The following MIEF1 variants were observed in gnomAD, a reference collection of about 807,000 sequenced individuals.
MIEF1 encodes mitochondrial dynamics protein MIEF1.
In MIEF1, 14 loss-of-function variants were observed where a neutral mutation model predicts 35.1. The observed-to-expected ratio is 0.40, with a 90% CI of 0.26 to 0.62. The LOEUF (loss-of-function observed/expected upper bound fraction) is 0.62, where lower values mean the gene tolerates loss of function less well. MIEF1 is among the 20% of genes least tolerant of loss of function. The pLI, the probability that MIEF1 is intolerant of heterozygous loss-of-function variation, is 0.43. For synonymous variants in MIEF1, 245 were observed against 254.3 expected, an observed-to-expected ratio of 0.96 and a Z score of 0.35; for missense variants, 542 against 615.4, an observed-to-expected ratio of 0.88 and a Z score of 1.26.
chr22:39,515,796 C>T lies in MIEF1; in HGVS notation c.*1473C>T, dbSNP rs74500552. On this transcript the variant is annotated 3_prime_UTR_variant, in exon 6 of 6. Transcript: ENST00000325301. ...CCCATTCAGTATTTTGTTTTCCTTC[C>T]GTCAAGTTGTCTTATTTTTTCAATG... 6.1e-5 allele frequency: 10 copies of T among 163,560 alleles called. No homozygotes were observed. In the East Asian group the frequency reaches 1.3e-3, roughly 21 times the overall value. 10.1% of individuals were successfully genotyped at this position (163,560 alleles called of 1,614,324 possible). A position where few individuals can be genotyped will look rare whatever the true frequency, so the allele number is the denominator to read the frequency against.
chr22:39,512,809 G>T (rs1930428816), intron 5 of MIEF1, among the ~76,000 whole-genome samples: 1 of 152,044 alleles, frequency 6.6e-6, no homozygotes, highest in Non-Finnish European at 1.5e-5. Flanking sequence ...ACCACTCCTG[G>T]CTAATTTTTT....
chr22:39,513,902 T>C lies in MIEF1; in HGVS notation c.971T>C (p.Val324Ala), dbSNP rs150255211. 17 of 1,614,084 alleles carry C rather than the reference T, an allele frequency of 1.1e-5. No individual in the cohort carries two copies. The highest frequency in any genetic ancestry group is 1.7e-5 in the Admixed American group (1 of 60,024). The change falls in exon 6 of 6, where the codon GTG (valine) becomes GCG (alanine). Residue 324 changes from valine to alanine, a missense_variant. By Grantham distance (64) the Val-to-Ala change is moderately conservative. Transcript: ENST00000325301. ...PSVTLGDTVL[V>A]AKPHRLAQYD... ...GTGACCCTCGGTGACACAGTCTTGGTGGCCAAACCACACCGGCTAGCCCAG... is the reference window on the plus strand; with the variant it reads ...GTGACCCTCGGTGACACAGTCTTGGCGGCCAAACCACACCGGCTAGCCCAG...
In MIEF1 at chr22:39,515,490, G is replaced by A. The variant is rs1403060867; in HGVS notation, c.*1167G>A. Reference sequence around the variant, plus strand: ...CTCCGGGCACGGCCAGAGGGCAAGTGAGCATGCACGGACCTCTTCCCCCTG... The same window carrying A: ...CTCCGGGCACGGCCAGAGGGCAAGTAAGCATGCACGGACCTCTTCCCCCTG... On this transcript the variant is annotated 3_prime_UTR_variant, in exon 6 of 6. Transcript: ENST00000325301. 3 of 634,384 alleles carry A rather than the reference G, an allele frequency of 4.7e-6. No individual in the cohort carries two copies. The highest frequency in any genetic ancestry group is 1.8e-5 in the African/African-American group (1 of 54,624). The allele number at this position is 634,384 out of a possible 1,614,324, so 39.3% of individuals were successfully genotyped here.
In MIEF1 at chr22:39,511,838, T is replaced by C; in HGVS notation, c.145-11T>C. 1 of 1,607,828 alleles carries C rather than the reference T, an allele frequency of 6.2e-7. No homozygotes were observed. The stretch of plus-strand genomic sequence containing the variant: ...GCAGGTTTATGTCCTGTGTCCTCTC[T>C]GCTATTTCAGATGTACGATCGGGCG... On this transcript the variant is annotated splice_polypyrimidine_tract_variant and intron_variant, in intron 3 of 5. Coordinates refer to ENST00000325301, the MANE Select transcript of MIEF1 (RefSeq NM_019008.6).
At chr22:39,501,658 T>C (rs1929707502), upstream of MIEF1, 1 of 152,196 alleles carries the variant, frequency 6.6e-6, no homozygotes. Flanking sequence ...CGCCAAGAAA[T>C]ACGTTTTGTT....
In MIEF1 at chr22:39,515,239, T is replaced by A. The variant is rs1930596036; in HGVS notation, c.*916T>A. 1 of 716,388 alleles carries A rather than the reference T, an allele frequency of 1.4e-6. No homozygotes were observed. Among genetic ancestry groups the A allele is most frequent in the Non-Finnish European group, 2.6e-6 (1 of 384,750 alleles). 44.4% of individuals were successfully genotyped at this position (716,388 alleles called of 1,614,324 possible). On this transcript the variant is annotated 3_prime_UTR_variant, in exon 6 of 6. Transcript: ENST00000325301. ...TTTTATTGCCAATCAGGACAAGGCCTTGAAGGAACGCAGCCTTAGACATCA... is the reference window on the plus strand; with the variant it reads ...TTTTATTGCCAATCAGGACAAGGCCATGAAGGAACGCAGCCTTAGACATCA...
intron 4 of MIEF1, 81 bp from the exon 5 acceptor site, chr22:39,512,151 C>G (rs957647531): frequency 6.4e-7 from 1 of 1,563,282 alleles, no homozygotes; most frequent in African/African-American, 1.3e-5. Flanking sequence ...CCATGCCAGG[C>G]CCTTCTTTCT....
Position 39,512,235 on chromosome 22 carries a change from C to G in MIEF1, c.326C>G (p.Thr109Arg), listed in dbSNP as rs1930381548. Residue 109 changes from threonine to arginine, a missense_variant, in exon 5 of 6, where the codon ACA becomes AGA. Transcript: ENST00000325301. ...CCTCTCTCTCTTGCCTTGGCAGATA[C>G]ATTCTGCCCGCCCCGGCCCAAGCCA... The part of the protein sequence containing the change: ...PTDSSTFDTD[T>R]FCPPRPKPVA... 2 of 1,611,934 alleles carry G rather than the reference C, an allele frequency of 1.2e-6. No homozygotes were observed. The highest frequency in any genetic ancestry group is 2.7e-5 in the African/African-American group (2 of 74,962).
chr22:39,504,664 C>A, intron 2 of MIEF1, 130 bp downstream of exon 2: 1 of 335,812 alleles, frequency 3.0e-6, no homozygotes. Flanking sequence ...ACCTATAGTC[C>A]CAACTCTGCA....
chr22:39,517,448 C>G lies in MIEF1; in HGVS notation c.*3125C>G. 1 of 438,616 alleles carries G rather than the reference C, an allele frequency of 2.3e-6. No homozygotes were observed. Among genetic ancestry groups the G allele is most frequent in the Non-Finnish European group, 4.8e-6 (1 of 209,176 alleles). The allele number at this position is 438,616 out of a possible 1,614,324, so 27.2% of individuals were successfully genotyped here. On this transcript the variant is annotated 3_prime_UTR_variant, in exon 6 of 6. Coordinates refer to ENST00000325301, the MANE Select transcript of MIEF1 (RefSeq NM_019008.6). ...TGGGTCCCGGCCACCTGTCCATATT[C>G]CACATTTGCTGACTGTGCTCCCTGC...
rs752046797 is a variant in MIEF1, at chr22:39,513,908, A to T, written c.977A>T (p.Lys326Ile). The change falls in exon 6 of 6, where the codon AAA (lysine) becomes ATA (isoleucine). Residue 326 changes from lysine (K) to isoleucine (I), a missense_variant. Physicochemically the swap from Lys to Ile is moderately radical, Grantham distance 102. Transcript: ENST00000325301. ...CTCGGTGACACAGTCTTGGTGGCCA[A>T]ACCACACCGGCTAGCCCAGTATGAC... Reference protein sequence around the residue: ...VTLGDTVLVAKPHRLAQYDNL... With the variant: ...VTLGDTVLVAIPHRLAQYDNL... 1 of 1,614,058 alleles carries T rather than the reference A, an allele frequency of 6.2e-7. No homozygotes were observed. The highest frequency in any genetic ancestry group is 8.5e-7 in the Non-Finnish European group (1 of 1,180,028).
intron 2 of MIEF1, among the ~76,000 whole-genome samples, chr22:39,509,753 G>C (rs985665770): frequency 2.0e-5 from 3 of 152,204 alleles, no homozygotes; most frequent in African/African-American, 7.2e-5. Flanking sequence ...TGTCAAGTAG[G>C]AGGGTCCATG....
chr22:39,516,765 T>A lies in MIEF1; in HGVS notation c.*2442T>A, dbSNP rs1161322953. 2 of 152,162 alleles carry A rather than the reference T, an allele frequency of 1.3e-5. No homozygotes were observed. Among genetic ancestry groups the A allele is most frequent in the Admixed American group, 6.5e-5 (1 of 15,278 alleles). The allele number at this position is 152,162 out of a possible 1,614,324, so 9.4% of individuals were successfully genotyped here. On this transcript the variant is annotated 3_prime_UTR_variant, in exon 6 of 6. Coordinates refer to ENST00000325301, the MANE Select transcript of MIEF1 (RefSeq NM_019008.6). ...AAGATTTTAAAGAGTCCCAAGTTAT[T>A]TAAGTTGAGTGTAATTGTCATTTAA...
At position 39,515,229 on chromosome 22, in the gene MIEF1, G is replaced by A; in HGVS notation, c.*906G>A. 1 of 714,392 alleles carries A rather than the reference G, an allele frequency of 1.4e-6. No homozygotes were observed. The highest frequency in any genetic ancestry group is 2.6e-6 in the Non-Finnish European group (1 of 383,906). The allele number at this position is 714,392 out of a possible 1,614,324, so 44.3% of individuals were successfully genotyped here. On this transcript the variant is annotated 3_prime_UTR_variant, in exon 6 of 6. Transcript: ENST00000325301. The stretch of plus-strand genomic sequence containing the variant: ...CTTTTCCTTATTTTATTGCCAATCA[G>A]GACAAGGCCTTGAAGGAACGCAGCC...
Position 39,511,894 on chromosome 22 carries a change from A to G in MIEF1, c.190A>G (p.Ser64Gly), listed in dbSNP as rs762051525. ...ISAPTSPTRL[S>G]HSGKRSWEEP... The stretch of plus-strand genomic sequence containing the variant: ...TGCCCCTACCAGCCCCACCCGCCTG[A>G]GCCATTCGGGGAAAAGGAGCTGGGA... The change falls in exon 4 of 6, where the codon AGC becomes GGC. Residue 64 changes from serine (S) to glycine (G), a missense_variant. Transcript: ENST00000325301. 1 of 1,614,180 alleles carries G rather than the reference A, an allele frequency of 6.2e-7. No homozygotes were observed.
rs2145752921 is a variant in MIEF1 at position 39,513,558 on chromosome 22, G to A, written c.627G>A (p.Val209=). ...ACATCCAACTCATTGTGCCCCTTGT[G>A]CTGGAGCAGAACCTGTGGTCATGTA... ...ADHIQLIVPL[V]LEQNLWSCIP... The change falls in exon 6 of 6, where the codon GTG becomes GTA. Residue 209 remains valine (V), a synonymous_variant. Coordinates refer to ENST00000325301, the MANE Select transcript of MIEF1 (RefSeq NM_019008.6). The A allele has an allele frequency of 6.2e-7, 1 of 1,614,206 alleles. No individual in the cohort carries two copies. The highest frequency in any genetic ancestry group is 2.2e-5 in the East Asian group (1 of 44,884).
At chr22:39,507,348 C>T (rs916811756) in intron 2 of MIEF1, among the ~76,000 whole-genome samples, 6 of 151,846 alleles carry the variant, frequency 4.0e-5, no homozygotes, top group Non-Finnish European at 7.4e-5. Context: ...CGACTTCAAG[C>T]GATTCTCCTG....
intron 5 of MIEF1, 53 bp downstream of exon 5, chr22:39,512,547 G>A: frequency 6.4e-7 from 1 of 1,563,086 alleles, no homozygotes; most frequent in East Asian, 2.2e-5. Flanking sequence ...GCACCATAGT[G>A]TTGTTGGCAC....
chr22:39,501,492 C>T (rs191937047), upstream of MIEF1, among the ~76,000 whole-genome samples: 493 of 152,296 alleles, frequency 3.2e-3, 1 homozygote, highest in African/African-American at 0.011. Context: ...CCGGTGGCCC[C>T]GGACTCCAAA....
Sources: allele counts gnomAD v4.1 joint callset (sites outside exome capture counted in the v4.1 genomes callset), GRCh38; gene constraint gnomAD v4.1.1; transcripts MANE v1.5; gene names NCBI Gene and HGNC (gene_info 2026-07-23, HGNC 2026-07-21).